The following GLYR1 variants were observed in gnomAD, a reference collection of about 807,000 sequenced individuals.
GLYR1 encodes the protein glyoxylate reductase 1 homolog.
GLYR1 carries 21 observed loss-of-function variants against 72.7 expected under a neutral mutation model. The observed-to-expected ratio is 0.29, with a 90% CI of 0.20 to 0.42. The LOEUF (loss-of-function observed/expected upper bound fraction) is 0.42, where lower values mean the gene tolerates loss of function less well. GLYR1 is among the 10% of genes least tolerant of loss of function. The pLI is 1.00. For synonymous variants in GLYR1, 392 were observed against 270.2 expected (o/e 1.45, Z -4.42); for missense variants, 594 against 712.1 (o/e 0.83, Z 1.89).
At chr16:4,828,817 T>C (rs2084598426) in intron 5 of GLYR1, among the ~76,000 whole-genome samples, 1 of 152,104 alleles carries the variant, frequency 6.6e-6, no homozygotes, top group Non-Finnish European at 1.5e-5. Context: ...TAAGGTCCTA[T>C]ATACGTGATT....
chr16:4,807,110 T>TCC (rs1567636243), intron 15 of GLYR1, among the ~76,000 whole-genome samples: 8 of 140,618 alleles, frequency 5.7e-5, no homozygotes, highest in Admixed American at 1.4e-4. Flanking sequence ...CTGGCCCCTT[T>TCC]TTTTTTTTTT....
chr16:4,827,698 A>G (rs2142003091), intron 5 of GLYR1, among the ~76,000 whole-genome samples: 1 of 152,270 alleles, frequency 6.6e-6, no homozygotes, highest in Non-Finnish European at 1.5e-5. Context: ...CAGGAGATCG[A>G]CACCATCCTG....
chr16:4,828,649 G>C (rs945569444), intron 5 of GLYR1, among the ~76,000 whole-genome samples: 1 of 152,026 alleles, frequency 6.6e-6, no homozygotes, highest in Non-Finnish European at 1.5e-5. Context: ...CAGTGTCTGC[G>C]AAACAAACCT....
At chr16:4,818,381 A>T (rs1171630286) in intron 9 of GLYR1, among the ~76,000 whole-genome samples, 1 of 152,050 alleles carries the variant, frequency 6.6e-6, no homozygotes, top group African/African-American at 2.4e-5. Context: ...TGCAGCCTCG[A>T]CCTCCTGGGC....
chr16:4,835,953 T>TAAA (rs1203203393), intron 3 of GLYR1, among the ~76,000 whole-genome samples: 2 of 152,282 alleles, frequency 1.3e-5, no homozygotes, highest in African/African-American at 4.8e-5. Context: ...AGGTTACACT[T>TAAA]CTTTCATCTT....
At chr16:4,814,008 A>G in intron 11 of GLYR1, 170 bp from the exon 12 acceptor site, 1 of 507,718 alleles carries the variant, frequency 2.0e-6, no homozygotes, top group Non-Finnish European at 3.5e-6. Flanking sequence ...TACTTCCCGC[A>G]TGCTCCCATT....
intron 1 of GLYR1, 199 bp downstream of exon 1, chr16:4,847,029 G>A (rs1046535273): frequency 1.6e-4 from 92 of 566,758 alleles, no homozygotes; most frequent in Non-Finnish European, 2.5e-4. Flanking sequence ...GGTGCCCGAC[G>A]TGGCCACCCT....
intron 11 of GLYR1, 71 bp from the exon 12 acceptor site, chr16:4,813,909 G>A (rs1237121392): frequency 1.7e-6 from 2 of 1,171,920 alleles, no homozygotes; most frequent in Admixed American, 2.7e-5. Flanking sequence ...ACAGACCTCA[G>A]ATCAGAATCC....
chr16:4,832,924 C>A lies in GLYR1; in HGVS notation c.156-12G>T, dbSNP rs1156419253. The A allele has an allele frequency of 5.6e-6, 9 of 1,603,892 alleles. No individual in the cohort carries two copies. Among genetic ancestry groups the A allele is most frequent in the Admixed American group, 3.4e-5 (2 of 58,206 alleles). ...CTTTGATCCAGGCACTAGCAGAAAACAAACACAAAAAGGGTGTGAACCATA... is the reference window on the plus strand; with the variant it reads ...CTTTGATCCAGGCACTAGCAGAAAAAAAACACAAAAAGGGTGTGAACCATA... On this transcript the variant is annotated splice_polypyrimidine_tract_variant and intron_variant, in intron 3 of 15. Coordinates refer to ENST00000321919, the MANE Select transcript of GLYR1 (RefSeq NM_032569.4).
At chr16:4,823,972 T>C (rs1243629306) in intron 5 of GLYR1, 65 bp from the exon 6 acceptor site, 1 of 1,297,112 alleles carries the variant, frequency 7.7e-7, no homozygotes, top group South Asian at 1.2e-5. Context: ...CCTTGCAAGC[T>C]CCACAGTCTA....
At chr16:4,824,470 A>G (rs2084248629) in intron 5 of GLYR1, among the ~76,000 whole-genome samples, 1 of 147,972 alleles carries the variant, frequency 6.8e-6, no homozygotes, top group Non-Finnish European at 1.5e-5. Context: ...ACCGCACTCC[A>G]GCCTGGAGAC....
At chr16:4,817,156 G>T (rs1384890789) in intron 10 of GLYR1, among the ~76,000 whole-genome samples, 1 of 148,576 alleles carries the variant, frequency 6.7e-6, no homozygotes, top group Non-Finnish European at 1.5e-5. Context: ...GTCTTGCTCT[G>T]TCGCCCAGGC....
chr16:4,828,472 A>C (rs1009720430), intron 5 of GLYR1, among the ~76,000 whole-genome samples: 30 of 152,102 alleles, frequency 2.0e-4, no homozygotes, highest in Admixed American at 1.3e-4. Flanking sequence ...CGTTTGTGTG[A>C]CCTGCAATGA....
At position 4,811,795 on chromosome 16, in the gene GLYR1, C is replaced by G; in HGVS notation, c.1290G>C (p.Val430=). Reference sequence around the variant, plus strand: ...TCAGCATCATCTTGGCTGCATTGCCCACTTCACCTGCCCAGGGTAAAGACT... The same window carrying G: ...TCAGCATCATCTTGGCTGCATTGCCGACTTCACCTGCCCAGGGTAAAGACT... ...MGKTSFFLGE[V]GNAAKMMLIV... The change falls in exon 14 of 16, where the codon GTG becomes GTC. Residue 430 remains valine, a synonymous_variant. Coordinates refer to ENST00000321919, the MANE Select transcript of GLYR1 (RefSeq NM_032569.4). 3.1e-6 allele frequency: 5 copies of G among 1,612,706 alleles called. No individual in the cohort carries two copies. Among genetic ancestry groups the G allele is most frequent in the Non-Finnish European group, 4.2e-6 (5 of 1,179,208 alleles).
At chr16:4,825,327 G>A (rs1222607982) in intron 5 of GLYR1, among the ~76,000 whole-genome samples, 3 of 151,982 alleles carry the variant, frequency 2.0e-5, no homozygotes, top group African/African-American at 2.4e-5. Flanking sequence ...TCTCTAGCTC[G>A]TTAGCACCCT....
At chr16:4,808,699 T>C (rs915897644) in intron 15 of GLYR1, among the ~76,000 whole-genome samples, 1 of 151,844 alleles carries the variant, frequency 6.6e-6, no homozygotes, top group Non-Finnish European at 1.5e-5. Context: ...TCATTTTTAT[T>C]ATAATAATAT....
At chr16:4,830,915 C>G (rs1374352659) in intron 5 of GLYR1, among the ~76,000 whole-genome samples, 1 of 152,134 alleles carries the variant, frequency 6.6e-6, no homozygotes. Context: ...ATTCCACTGC[C>G]CGGACTCAAC....
chr16:4,831,983 T>G lies in GLYR1; in HGVS notation c.533A>C (p.Glu178Ala), dbSNP rs147784275. The change falls in exon 5 of 16, where the codon GAG (glutamate) becomes GCG (alanine). Residue 178 changes from glutamate to alanine, a missense_variant. Around this residue, in one of 5 missense-constraint regions of GLYR1, gnomAD observed 252 missense variants for 211.3 expected, o/e 1.19. Coordinates refer to ENST00000321919, the MANE Select transcript of GLYR1 (RefSeq NM_032569.4). ...PRKRGRPPKD[E>A]KDLTIPESST... ...AGCTGCAGAGAGAAAACAAACCTTC[T>G]CATCCTTTGGGGGCCGACCCCGCTT... The G allele has an allele frequency of 6.2e-7, 1 of 1,613,034 alleles. No homozygotes were observed. Among genetic ancestry groups the G allele is most frequent in the Non-Finnish European group, 8.5e-7 (1 of 1,179,602 alleles).
chr16:4,829,416 C>T (rs1022082473), intron 5 of GLYR1, among the ~76,000 whole-genome samples: 3 of 151,820 alleles, frequency 2.0e-5, no homozygotes, highest in East Asian at 3.9e-4. Flanking sequence ...AGTGATCCTC[C>T]CACCCCAGCT....
Sources: gnomAD v4.1 joint callset for allele counts (sites outside exome capture counted in the v4.1 genomes callset) on GRCh38, gnomAD v4.1.1 for gene constraint, gnomAD v4.1.1 regional missense constraint, MANE v1.5 for transcripts, NCBI Gene and HGNC (gene_info 2026-07-23, HGNC 2026-07-21) for gene names.